The following KANTR variants were observed in gnomAD, a reference collection of about 807,000 sequenced individuals.
KANTR encodes the protein KANTR integral membrane protein.
chrX:53,146,707 A>C (rs1396328457), downstream of KANTR, among the ~76,000 whole-genome samples: 1 of 111,954 alleles, frequency 8.9e-6, no homozygotes, highest in Non-Finnish European at 1.9e-5. Context: ...AAAGATGTTA[A>C]GGGCAGCCAG....
At chrX:53,134,045 A>G (rs1269047519) in intron 2 of KANTR, among the ~76,000 whole-genome samples, 4 of 111,631 alleles carry the variant, frequency 3.6e-5, no homozygotes, top group Non-Finnish European at 7.5e-5. Context: ...TTGTTCAGTG[A>G]TACATACATG....
rs181739688 is a variant in KANTR at position 53,106,019 on chromosome X, A to G, written c.-805+6411A>G. On this transcript the variant is annotated intron_variant, in intron 2 of 2. Coordinates refer to ENST00000604062, the Ensembl canonical transcript of KANTR. ...ACTACAGGCGCCCGCCACCATGCCC[A>G]GCTAATTTTTTGTATTTTTAGTAGA... 4.3e-3 allele frequency among the ~76,000 whole-genome samples: 445 copies of G among 104,381 alleles called. 21 individuals are homozygous for G. The East Asian group carries it at 0.12, about 28-fold the overall frequency. The allele number at this position is 104,381 out of a possible 115,157, so 90.6% of individuals were successfully genotyped here.
intron 1 of KANTR, among the ~76,000 whole-genome samples, chrX:53,096,517 T>A (rs954414661): frequency 8.9e-6 from 1 of 112,186 alleles, no homozygotes; most frequent in Admixed American, 9.5e-5. Flanking sequence ...CCAATTATTG[T>A]CACAGTCAAA....
downstream of KANTR, chrX:53,143,882 T>A: frequency 2.2e-6 from 1 of 448,779 alleles, no homozygotes; most frequent in East Asian, 4.4e-5. Flanking sequence ...AGAGCCATTG[T>A]CAATGATGAG....
chrX:53,139,580 AG>A (rs1933473777), intron 2 of KANTR, among the ~76,000 whole-genome samples: 1 of 112,282 alleles, frequency 8.9e-6, no homozygotes, highest in Non-Finnish European at 1.9e-5. Flanking sequence ...GTACTTTGGG[AG>A]GCTGAAGCAG....
chrX:53,121,032 T>A (rs782591144), intron 2 of KANTR, among the ~76,000 whole-genome samples: 3 of 110,038 alleles, frequency 2.7e-5, no homozygotes, highest in African/African-American at 6.6e-5. Context: ...GGAGTCTCGC[T>A]CTGTCTCCTA....
At chrX:53,142,773 G>A, downstream of KANTR, 1 of 461,316 alleles carries the variant, frequency 2.2e-6, no homozygotes, top group Non-Finnish European at 4.0e-6. Context: ...CAATGGAGGG[G>A]CCAGACTCAT....
intron 2 of KANTR, among the ~76,000 whole-genome samples, chrX:53,108,009 C>A (rs1932975764): frequency 9.2e-6 from 1 of 109,107 alleles, no homozygotes; most frequent in East Asian, 2.9e-4. Context: ...CCTGCCTCAG[C>A]CTCCAGAGTA....
At chrX:53,097,131 C>T (rs1932850280) in intron 1 of KANTR, among the ~76,000 whole-genome samples, 1 of 109,873 alleles carries the variant, frequency 9.1e-6, no homozygotes, top group African/African-American at 3.3e-5. Flanking sequence ...GAAAAAATGC[C>T]CTGAAACACC....
At chrX:53,101,982 A>G (rs1932898518) in intron 2 of KANTR, among the ~76,000 whole-genome samples, 1 of 106,575 alleles carries the variant, frequency 9.4e-6, no homozygotes, top group African/African-American at 3.4e-5. Context: ...CCTGGGTGAC[A>G]GGAGTGAAAC....
intron 2 of KANTR, among the ~76,000 whole-genome samples, chrX:53,116,994 AG>A (rs1556814673): frequency 8.9e-6 from 1 of 111,852 alleles, no homozygotes; most frequent in African/African-American, 3.3e-5. Flanking sequence ...ATATGATAAA[AG>A]AATAGGCTGG....
chrX:53,102,605 A>G (rs782618686), intron 2 of KANTR, among the ~76,000 whole-genome samples: 2 of 112,141 alleles, frequency 1.8e-5, no homozygotes, highest in South Asian at 7.4e-4. Flanking sequence ...TCCTTGTTTA[A>G]GGTGGTGTCT....
downstream of KANTR, among the ~76,000 whole-genome samples, chrX:53,147,042 G>A (rs1602132055): frequency 2.7e-5 from 3 of 112,014 alleles, no homozygotes; most frequent in South Asian, 1.1e-3. Context: ...ATTGAGGCTA[G>A]GAAGAACCTG....
chrX:53,142,734 G>C, downstream of KANTR: 2 of 426,284 alleles, frequency 4.7e-6, no homozygotes, highest in Non-Finnish European at 4.4e-6. Context: ...ACATCTGCTC[G>C]CAGTCCATTT....
Position 53,124,190 on chromosome X carries a change from G to T in KANTR, c.-83G>T. 10 of 279,701 alleles carry T rather than the reference G, an allele frequency of 3.6e-5. No individual in the cohort carries two copies. Among genetic ancestry groups the T allele is most frequent in the Non-Finnish European group, 2.5e-5 (4 of 159,512 alleles). 23.1% of individuals were successfully genotyped at this position (279,701 alleles called of 1,213,427 possible). A position where few individuals can be genotyped will look rare whatever the true frequency, so the allele number is the denominator to read the frequency against. ...ATTTTGGTAAGATAACAGTTTTCTA[G>T]GAGTTGGTCCATTTTGTCTGCATTT... On this transcript the variant is annotated 5_prime_UTR_variant, in exon 3 of 3. The change creates a new upstream start codon in the 5' untranslated region. Coordinates refer to ENST00000604062, the Ensembl canonical transcript of KANTR.
intron 2 of KANTR, among the ~76,000 whole-genome samples, chrX:53,122,794 T>G (rs1933244223): frequency 8.9e-6 from 1 of 112,263 alleles, no homozygotes; most frequent in African/African-American, 3.2e-5. Context: ...TAAACACAAC[T>G]TGGTCATGGT....
chrX:53,137,097 T>A (rs1933436358), intron 2 of KANTR, among the ~76,000 whole-genome samples: 1 of 110,197 alleles, frequency 9.1e-6, no homozygotes, highest in South Asian at 3.9e-4. Flanking sequence ...AGGATTTTCT[T>A]TTCTTGGGTT....
In KANTR at chrX:53,142,095, G is replaced by A. The variant is rs1465589758; in HGVS notation, n.451G>A. On this transcript the variant is annotated non_coding_transcript_exon_variant, in exon 3 of 3. Transcript: ENST00000366185. ...ACTGCTGACCACGCATACTCACCAAGCCACAGACTTGTCTTCCACAAGCAC... is the reference window on the plus strand; with the variant it reads ...ACTGCTGACCACGCATACTCACCAAACCACAGACTTGTCTTCCACAAGCAC... The A allele has an allele frequency of 2.9e-4, 36 of 124,732 alleles. 1 individual carries two copies. Among genetic ancestry groups the A allele is most frequent in the Non-Finnish European group, 7.9e-5 (5 of 62,907 alleles). 10.3% of individuals were successfully genotyped at this position (124,732 alleles called of 1,213,427 possible). A position where few individuals can be genotyped will look rare whatever the true frequency, so the allele number is the denominator to read the frequency against.
chrX:53,111,082 C>G (rs1933032990), intron 2 of KANTR, among the ~76,000 whole-genome samples: 1 of 108,671 alleles, frequency 9.2e-6, no homozygotes, highest in African/African-American at 3.3e-5. Context: ...GTGGTGCAAT[C>G]ACAGCCCACC....
Sources: gnomAD v4.1 joint callset for allele counts (sites outside exome capture counted in the v4.1 genomes callset) on GRCh38, gnomAD v4.1.1 for gene constraint, MANE v1.5 for transcripts, NCBI Gene and HGNC (gene_info 2026-07-23, HGNC 2026-07-21) for gene names.